Variants in CPNE8 observed in about 807,000 individuals in gnomAD.
CPNE8 encodes the protein copine-8.
A neutral mutation model predicts 81.5 loss-of-function variants in CPNE8; 45 were observed. The observed-to-expected ratio is 0.55, with a 90% CI of 0.44 to 0.71. CPNE8 has a LOEUF of 0.71. Among genes scored for constraint, CPNE8 ranks in the 30% least tolerant of loss-of-function variants. The pLI, the probability that CPNE8 is intolerant of heterozygous loss-of-function variation, is 0.00. For synonymous variants in CPNE8, 252 were observed against 226.3 expected (o/e 1.11, Z -1.02); for missense variants, 594 against 672.1 (o/e 0.88, Z 1.28).
In CPNE8 at chr12:38,687,370, C is replaced by CTTTTTT. The variant is rs35643732; in HGVS notation, c.1144-1754_1144-1753insAAAAAA. Among the ~76,000 whole-genome samples the CTTTTTT allele has an allele frequency of 1.5e-4, 14 of 95,492 alleles. 1 individual carries two copies. Among genetic ancestry groups the CTTTTTT allele is most frequent in the Admixed American group, 1.3e-4 (1 of 7,960 alleles). 62.6% of individuals were successfully genotyped at this position (95,492 alleles called of 152,430 possible). A position where few individuals can be genotyped will look rare whatever the true frequency, so the allele number is the denominator to read the frequency against. On this transcript the variant is annotated intron_variant, in intron 15 of 19. Coordinates refer to ENST00000331366, the MANE Select transcript of CPNE8 (RefSeq NM_153634.3). ...GCTACCAAATTACGAAATGCCAAGA[C>CTTTTTT]TTTCTTTTTTTTTTTTTTTTTTTTT...
chr12:38,727,159 A>C (rs1356665558), intron 11 of CPNE8, among the ~76,000 whole-genome samples: 9 of 152,188 alleles, frequency 5.9e-5, no homozygotes, highest in Non-Finnish European at 2.9e-5. Context: ...AATTAATCAA[A>C]GGCTTGCAAA....
intron 6 of CPNE8, among the ~76,000 whole-genome samples, chr12:38,806,249 T>G (rs531639131): frequency 3.2e-4 from 48 of 150,308 alleles, no homozygotes; most frequent in Admixed American, 2.6e-3. Context: ...CCTAACTCAT[T>G]TGATGAGGCC....
Position 38,723,775 on chromosome 12 carries a change from C to A in CPNE8, c.911G>T (p.Gly304Val). ...TEVSFLDYIK[G>V]GTQINFTVAI... Reference sequence around the variant, plus strand: ...ACAATTTGAGAGAATTACTTACCCTCCCTTAATGTAGTCAAGGAATGAAAC... The same window carrying A: ...ACAATTTGAGAGAATTACTTACCCTACCTTAATGTAGTCAAGGAATGAAAC... The change falls in exon 13 of 20, where the codon GGA becomes GTA. Residue 304 changes from glycine to valine, a missense_variant. Coordinates refer to ENST00000331366, the MANE Select transcript of CPNE8 (RefSeq NM_153634.3). 6.4e-7 allele frequency: 1 copy of A among 1,574,002 alleles called. No homozygotes were observed. Among genetic ancestry groups the A allele is most frequent in the Non-Finnish European group, 8.7e-7 (1 of 1,147,020 alleles).
intron 10 of CPNE8, among the ~76,000 whole-genome samples, chr12:38,749,196 C>T (rs2136819009): frequency 1.3e-5 from 2 of 152,272 alleles, no homozygotes; most frequent in South Asian, 4.1e-4. Context: ...CACAAGTTAC[C>T]TCTTTGCCTG....
At chr12:38,858,995 C>T (rs1943788808) in intron 3 of CPNE8, among the ~76,000 whole-genome samples, 1 of 152,164 alleles carries the variant, frequency 6.6e-6, no homozygotes, top group African/African-American at 2.4e-5. Context: ...CAACATCATA[C>T]TCGTTGGTGA....
chr12:38,785,073 T>C (rs956002067), intron 6 of CPNE8, among the ~76,000 whole-genome samples: 2 of 151,966 alleles, frequency 1.3e-5, no homozygotes, highest in Non-Finnish European at 2.9e-5. Context: ...CACGTGCCTG[T>C]AGTTCCAGCT....
chr12:38,846,304 C>T (rs1943559504), intron 4 of CPNE8, among the ~76,000 whole-genome samples: 1 of 152,126 alleles, frequency 6.6e-6, no homozygotes, highest in Admixed American at 6.5e-5. Flanking sequence ...CACAGAATTG[C>T]AATTCAGGGC....
intron 6 of CPNE8, among the ~76,000 whole-genome samples, chr12:38,790,586 A>G (rs908221994): frequency 3.0e-4 from 45 of 151,702 alleles, no homozygotes; most frequent in Non-Finnish European, 8.9e-5. Flanking sequence ...GTATATTTAA[A>G]AATAACTAAA....
At chr12:38,668,772 G>A (rs187084086) in intron 19 of CPNE8, among the ~76,000 whole-genome samples, 33 of 152,190 alleles carry the variant, frequency 2.2e-4, no homozygotes, top group East Asian at 1.3e-3. Context: ...ATAATGGTCC[G>A]GGCACGGTGG....
intron 1 of CPNE8, among the ~76,000 whole-genome samples, chr12:38,887,647 A>G (rs1196056813): frequency 1.3e-5 from 2 of 152,200 alleles, no homozygotes; most frequent in Non-Finnish European, 2.9e-5. Flanking sequence ...TGAAACTTTC[A>G]AAACACTTTA....
chr12:38,902,381 A>AC (rs60567703), intron 1 of CPNE8, among the ~76,000 whole-genome samples: 4 of 57,782 alleles, frequency 6.9e-5, no homozygotes, highest in Admixed American at 1.8e-4. Context: ...AGAAAGAAAG[A>AC]AAAGAAAGAA....
At chr12:38,883,233 G>A (rs1196609574) in intron 1 of CPNE8, among the ~76,000 whole-genome samples, 1 of 152,154 alleles carries the variant, frequency 6.6e-6, no homozygotes, top group Non-Finnish European at 1.5e-5. Flanking sequence ...ACTTGGAGGC[G>A]GCTTTGCAAA....
At chr12:38,876,215 A>C (rs1422738667) in intron 1 of CPNE8, among the ~76,000 whole-genome samples, 2 of 152,090 alleles carry the variant, frequency 1.3e-5, no homozygotes, top group Non-Finnish European at 2.9e-5. Flanking sequence ...AGGACAGATG[A>C]GTATTCTTTT....
intron 19 of CPNE8, among the ~76,000 whole-genome samples, chr12:38,666,078 T>C (rs926208637): frequency 2.0e-5 from 3 of 152,196 alleles, no homozygotes; most frequent in African/African-American, 7.2e-5. Context: ...AAATATCTTA[T>C]ATACTTTTAA....
At chr12:38,760,440 T>TATATATATATATATATATAC (rs1198714950) in intron 10 of CPNE8, among the ~76,000 whole-genome samples, 1 of 136,288 alleles carries the variant, frequency 7.3e-6, no homozygotes, top group African/African-American at 2.9e-5. Flanking sequence ...GGTGTGTATA[T>TATATATATATATATATATAC]ATATATATAT....
intron 6 of CPNE8, among the ~76,000 whole-genome samples, chr12:38,797,252 C>T (rs561504506): frequency 4.6e-5 from 7 of 152,114 alleles, no homozygotes; most frequent in Non-Finnish European, 7.4e-5. Context: ...TCCTCAACTG[C>T]GTCCCTGACC....
chr12:38,837,099 G>A (rs996405166), intron 5 of CPNE8, among the ~76,000 whole-genome samples: 14 of 152,076 alleles, frequency 9.2e-5, no homozygotes, highest in African/African-American at 3.1e-4. Context: ...ACCTACAGGA[G>A]ACGATGCAAT....
chr12:38,799,961 C>T (rs1237869510), intron 6 of CPNE8, among the ~76,000 whole-genome samples: 13 of 149,946 alleles, frequency 8.7e-5, no homozygotes, highest in Admixed American at 6.7e-5. Context: ...GCTTAAGAAA[C>T]GGCGCACCAC....
In CPNE8 at chr12:38,829,374, C is replaced by T. The variant is rs372413859; in HGVS notation, c.407+5G>A. On this transcript the variant is annotated splice_donor_5th_base_variant and intron_variant, in intron 6 of 19. Transcript: ENST00000331366. Reference sequence around the variant, plus strand: ...ATTTCATTGTCTGAATTAAAAAATACTTACACTATTGGTTTTTCCAGGCGA... The same window carrying T: ...ATTTCATTGTCTGAATTAAAAAATATTTACACTATTGGTTTTTCCAGGCGA... 4.4e-6 allele frequency: 7 copies of T among 1,593,750 alleles called. No homozygotes were observed. Among genetic ancestry groups the T allele is most frequent in the East Asian group, 2.2e-5 (1 of 44,772 alleles).
Sources: allele counts gnomAD v4.1 joint callset (sites outside exome capture counted in the v4.1 genomes callset), GRCh38; gene constraint gnomAD v4.1.1; transcripts MANE v1.5; gene names NCBI Gene and HGNC (gene_info 2026-07-23, HGNC 2026-07-21).